The following ORC3 variants were observed in gnomAD, a reference collection of about 807,000 sequenced individuals.
The protein encoded by ORC3 is origin recognition complex subunit 3.
A neutral mutation model predicts 100.7 loss-of-function variants in ORC3; 78 were observed. That is an observed-to-expected ratio of 0.77 (90% CI 0.65 to 0.94). ORC3 has a LOEUF of 0.94. ORC3 is among the 40% of genes least tolerant of loss of function. ORC3 has a pLI of 0.00. For missense variants in ORC3, 789 were observed against 823.9 expected, an observed-to-expected ratio of 0.96 and a Z score of 0.52; for synonymous variants, 295 against 289.3, an observed-to-expected ratio of 1.02 and a Z score of -0.20.
At chr6:87,656,272 A>G (rs1302217614) in intron 14 of ORC3, among the ~76,000 whole-genome samples, 1 of 152,188 alleles carries the variant, frequency 6.6e-6, no homozygotes, top group East Asian at 1.9e-4. Context: ...ATTTTTTTAA[A>G]AAGCTATGTA....
intron 4 of ORC3, among the ~76,000 whole-genome samples, chr6:87,605,708 T>C (rs1419396024): frequency 6.6e-6 from 1 of 152,122 alleles, no homozygotes. Flanking sequence ...GAAAGAGGAA[T>C]TGTGCAAAAT....
At chr6:87,610,828 C>T (rs184608616) in intron 7 of ORC3, among the ~76,000 whole-genome samples, 1 of 150,570 alleles carries the variant, frequency 6.6e-6, no homozygotes, top group Non-Finnish European at 1.5e-5. Context: ...GCTGGGATTA[C>T]AGGCGTGAGC....
intron 4 of ORC3, among the ~76,000 whole-genome samples, chr6:87,604,392 A>G (rs905686125): frequency 6.6e-6 from 1 of 152,204 alleles, no homozygotes; most frequent in Non-Finnish European, 1.5e-5. Context: ...GCTGATGCCC[A>G]TAGTCCCAGG....
chr6:87,673,274 C>T, the ORC3 span, among the ~76,000 whole-genome samples: 1 of 146,658 alleles, frequency 6.8e-6, no homozygotes, highest in African/African-American at 2.5e-5. Flanking sequence ...GATTCTCGTG[C>T]TTCAGCCTCC....
chr6:87,633,856 A>G (rs972762958), intron 11 of ORC3, among the ~76,000 whole-genome samples: 8 of 152,172 alleles, frequency 5.3e-5, no homozygotes, highest in Non-Finnish European at 1.2e-4. Flanking sequence ...ATGTTTTAAA[A>G]TCATTTCTAA....
intron 13 of ORC3, among the ~76,000 whole-genome samples, chr6:87,650,773 C>T (rs1348319625): frequency 2.0e-5 from 3 of 152,136 alleles, no homozygotes; most frequent in Non-Finnish European, 2.9e-5. Flanking sequence ...TTTGGGAAGC[C>T]GAGGTGGGCG....
intron 13 of ORC3, among the ~76,000 whole-genome samples, chr6:87,640,523 G>A (rs1055276921): frequency 3.3e-5 from 5 of 152,094 alleles, no homozygotes; most frequent in African/African-American, 1.2e-4. Flanking sequence ...GATATGAGTA[G>A]GTTAATTTTT....
chr6:87,609,390 C>T, intron 7 of ORC3, 161 bp downstream of exon 7: 1 of 540,540 alleles, frequency 1.9e-6, no homozygotes, highest in Non-Finnish European at 3.0e-6. Flanking sequence ...ATCAGATTTT[C>T]CATTTGCTTT....
intron 11 of ORC3, among the ~76,000 whole-genome samples, chr6:87,630,106 G>C (rs1044754840): frequency 9.9e-5 from 15 of 152,134 alleles, no homozygotes; most frequent in Non-Finnish European, 2.9e-5. Context: ...ACCACATCCA[G>C]CAAGACAAAA....
rs1319236985 is a variant in ORC3, at chr6:87,630,473, A to G, written c.1186-4372A>G. On this transcript the variant is annotated intron_variant, in intron 11 of 19. Coordinates refer to ENST00000392844, the MANE Select transcript of ORC3 (RefSeq NM_012381.4). ...CATTAATGTACTCTTCATTCAGCCAATATTTTTCTAGTGCCTATTATGTGC... is the reference window on the plus strand; with the variant it reads ...CATTAATGTACTCTTCATTCAGCCAGTATTTTTCTAGTGCCTATTATGTGC... Among the ~76,000 whole-genome samples, 4 of 152,196 alleles carry G rather than the reference A, an allele frequency of 2.6e-5. No homozygotes were observed. In the East Asian group the frequency reaches 5.8e-4, roughly 22 times the overall value.
At chr6:87,609,443 A>C in intron 7 of ORC3, 1 of 443,668 alleles carries the variant, frequency 2.3e-6, no homozygotes. Context: ...AGCCAGTTTT[A>C]AATTGACATG....
At chr6:87,665,678 C>A in intron 18 of ORC3, 76 bp from the exon 19 acceptor site, 1 of 783,944 alleles carries the variant, frequency 1.3e-6, no homozygotes. Context: ...TATCAACAGC[C>A]ATTAAAAGAA....
chr6:87,625,252 A>G (rs1779814041), intron 11 of ORC3, among the ~76,000 whole-genome samples: 1 of 152,070 alleles, frequency 6.6e-6, no homozygotes, highest in Non-Finnish European at 1.5e-5. Context: ...CTTGTTCTAG[A>G]TCCTTGAGGA....
chr6:87,637,502 A>C (rs1039723028), intron 13 of ORC3, among the ~76,000 whole-genome samples: 3 of 152,220 alleles, frequency 2.0e-5, no homozygotes, highest in African/African-American at 2.4e-5. Context: ...GGAAACCAAA[A>C]AATCCCAATA....
intron 15 of ORC3, 167 bp downstream of exon 15, chr6:87,657,149 T>C (rs1769777043): frequency 1.8e-6 from 1 of 559,912 alleles, no homozygotes; most frequent in African/African-American, 1.9e-5. Flanking sequence ...GTTAGTCCCA[T>C]TGCCATCATT....
chr6:87,668,767 G>A (rs1270809237), downstream of ORC3, among the ~76,000 whole-genome samples: 3 of 152,058 alleles, frequency 2.0e-5, no homozygotes, highest in African/African-American at 7.2e-5. Context: ...TGGATCACGT[G>A]AGGTCAGGAG....
At chr6:87,612,768 A>C (rs145597362) in intron 8 of ORC3, among the ~76,000 whole-genome samples, 12 of 152,236 alleles carry the variant, frequency 7.9e-5, no homozygotes, top group Non-Finnish European at 1.5e-4. Context: ...GTGTGCCGCC[A>C]CGCCTGGCTA....
chr6:87,666,994 A>G (rs946480396), intron 19 of ORC3, 24 bp from the exon 20 acceptor site: 2 of 1,437,726 alleles, frequency 1.4e-6, no homozygotes, highest in Non-Finnish European at 1.9e-6. Flanking sequence ...CAGCACGGCC[A>G]GTTTCCTTAA....
At chr6:87,629,561 T>C (rs979236101) in intron 11 of ORC3, among the ~76,000 whole-genome samples, 1 of 149,976 alleles carries the variant, frequency 6.7e-6, no homozygotes, top group African/African-American at 2.5e-5. Flanking sequence ...CAGTGATATA[T>C]GATTTTTAAA....
Sources: allele counts gnomAD v4.1 joint callset (sites outside exome capture counted in the v4.1 genomes callset), GRCh38; gene constraint gnomAD v4.1.1; transcripts MANE v1.5; gene names NCBI Gene and HGNC (gene_info 2026-07-23, HGNC 2026-07-21).